PEX5L: variants seen among roughly 807,000 people sequenced by gnomAD.
The protein encoded by PEX5L is peroxisomal biogenesis factor 5 like, also known as PEX5-related protein.
A neutral mutation model predicts 84.0 loss-of-function variants in PEX5L; 30 were observed. The ratio of observed to expected loss-of-function variants is 0.36; its 90% CI spans 0.27 to 0.48. PEX5L has a LOEUF of 0.48. Ranked by LOEUF, PEX5L falls within the 20% of genes least tolerant of loss-of-function variation. The pLI, the probability that PEX5L is intolerant of heterozygous loss-of-function variation, is 0.99. For missense variants in PEX5L, 533 were observed against 754.6 expected, an observed-to-expected ratio of 0.71 and a Z score of 3.44; for synonymous variants, 270 against 283.1, an observed-to-expected ratio of 0.95 and a Z score of 0.46.
At chr3:179,928,079 A>C (rs558246214) in intron 2 of PEX5L, among the ~76,000 whole-genome samples, 1 of 152,298 alleles carries the variant, frequency 6.6e-6, no homozygotes, top group Admixed American at 6.5e-5. Context: ...ATTTATGTTA[A>C]GGTTGATCAG....
chr3:180,028,528 T>C (rs1192239015), intron 1 of PEX5L, among the ~76,000 whole-genome samples: 1 of 152,244 alleles, frequency 6.6e-6, no homozygotes, highest in Non-Finnish European at 1.5e-5. Context: ...TGGTTTATTG[T>C]AATATTTATT....
intron 2 of PEX5L, among the ~76,000 whole-genome samples, chr3:179,934,146 G>A (rs1773930982): frequency 6.6e-6 from 1 of 152,224 alleles, no homozygotes; most frequent in African/African-American, 2.4e-5. Flanking sequence ...GATCAAGCAG[G>A]TTGGCATACA....
chr3:179,878,001 A>C, intron 5 of PEX5L, among the ~76,000 whole-genome samples: 1 of 152,188 alleles, frequency 6.6e-6, no homozygotes, highest in South Asian at 2.1e-4. Flanking sequence ...CCATGGTTCC[A>C]ATATCCATTC....
At position 179,917,223 on chromosome 3, in the gene PEX5L, A is replaced by G. The variant is rs184894747; in HGVS notation, c.94-18977T>C. Among the ~76,000 whole-genome samples, 4 of 152,186 alleles carry G rather than the reference A, an allele frequency of 2.6e-5. No individual in the cohort carries two copies. In the East Asian group the frequency reaches 7.7e-4, roughly 29 times the overall value. ...CTCTTCCACCTCCACATCTTGTCCC[A>G]CTGGAAAGTCTTCTGGGGCAATAAC... On this transcript the variant is annotated intron_variant, in intron 2 of 14. Transcript: ENST00000467460.
At chr3:180,007,065 C>G (rs989165770) in intron 1 of PEX5L, among the ~76,000 whole-genome samples, 12 of 152,196 alleles carry the variant, frequency 7.9e-5, no homozygotes, top group Admixed American at 2.0e-4. Context: ...AAAGTCTCAT[C>G]TGAGACAAGG....
chr3:179,833,286 A>T (rs1733811961), intron 8 of PEX5L, among the ~76,000 whole-genome samples: 1 of 152,230 alleles, frequency 6.6e-6, no homozygotes, highest in African/African-American at 2.4e-5. Flanking sequence ...TTGAATATGT[A>T]TAGTTTTAAA....
intron 7 of PEX5L, among the ~76,000 whole-genome samples, chr3:179,863,237 A>G (rs1357716925): frequency 6.6e-6 from 1 of 152,226 alleles, no homozygotes; most frequent in African/African-American, 2.4e-5. Flanking sequence ...TGAAACTGCT[A>G]GAAGAAAACA....
chr3:179,977,921 A>G (rs1474492765), intron 1 of PEX5L, among the ~76,000 whole-genome samples: 4 of 152,186 alleles, frequency 2.6e-5, no homozygotes, highest in African/African-American at 7.2e-5. Context: ...GTGGCCACAC[A>G]GTACACTTTT....
chr3:179,975,663 A>T (rs1000561657), intron 1 of PEX5L, among the ~76,000 whole-genome samples: 1 of 152,214 alleles, frequency 6.6e-6, no homozygotes, highest in Non-Finnish European at 1.5e-5. Context: ...TACAAGAAGA[A>T]AAGACCTTCT....
chr3:179,821,320 A>G (rs2108969762), intron 8 of PEX5L, among the ~76,000 whole-genome samples: 1 of 152,262 alleles, frequency 6.6e-6, no homozygotes, highest in Non-Finnish European at 1.5e-5. Context: ...CAAATTGCAA[A>G]TCTCAGTGTC....
chr3:179,986,387 C>T (rs13059606), intron 1 of PEX5L, among the ~76,000 whole-genome samples: 1 of 146,870 alleles, frequency 6.8e-6, no homozygotes, highest in African/African-American at 2.5e-5. Flanking sequence ...AAAGTCCTAA[C>T]CATTTAGTAA....
At chr3:179,986,856 C>T (rs1056582730) in intron 1 of PEX5L, among the ~76,000 whole-genome samples, 3 of 152,062 alleles carry the variant, frequency 2.0e-5, no homozygotes, top group East Asian at 1.9e-4. Context: ...ATTGAAAGTT[C>T]GAATAACATA....
chr3:179,906,559 A>AT (rs1192281485), intron 2 of PEX5L, among the ~76,000 whole-genome samples: 1 of 152,160 alleles, frequency 6.6e-6, no homozygotes, highest in African/African-American at 2.4e-5. Context: ...ATGTTGTTTT[A>AT]TTTTTTATAT....
intron 7 of PEX5L, among the ~76,000 whole-genome samples, chr3:179,866,231 T>C (rs1748095115): frequency 6.6e-6 from 1 of 152,206 alleles, no homozygotes; most frequent in Non-Finnish European, 1.5e-5. Context: ...ATGACCGTTG[T>C]TAATAGCTTC....
At chr3:179,823,219 G>A (rs1729141344) in intron 8 of PEX5L, among the ~76,000 whole-genome samples, 1 of 152,154 alleles carries the variant, frequency 6.6e-6, no homozygotes, top group South Asian at 2.1e-4. Context: ...TCTTCTTCTA[G>A]ACATCTTCCT....
At chr3:179,833,994 G>A (rs557727786) in intron 8 of PEX5L, among the ~76,000 whole-genome samples, 2 of 151,994 alleles carry the variant, frequency 1.3e-5, no homozygotes, top group East Asian at 1.9e-4. Context: ...ACCGACATGC[G>A]TGGCTAAATT....
chr3:179,958,859 A>G (rs1172240890), intron 2 of PEX5L, among the ~76,000 whole-genome samples: 1 of 152,078 alleles, frequency 6.6e-6, no homozygotes, highest in Non-Finnish European at 1.5e-5. Flanking sequence ...ACATAAACCA[A>G]TGCTTCCTAG....
chr3:179,951,650 C>A (rs1305601287), intron 2 of PEX5L, among the ~76,000 whole-genome samples: 1 of 152,108 alleles, frequency 6.6e-6, no homozygotes, highest in Non-Finnish European at 1.5e-5. Flanking sequence ...CATTTCTGAC[C>A]ACTTAGGAGA....
At chr3:179,942,093 T>A (rs1776297337) in intron 2 of PEX5L, among the ~76,000 whole-genome samples, 1 of 150,848 alleles carries the variant, frequency 6.6e-6, no homozygotes, top group Admixed American at 6.6e-5. Context: ...AGGAAGAGGA[T>A]CTGGATTTAA....
Sources: gnomAD v4.1 joint callset for allele counts (sites outside exome capture counted in the v4.1 genomes callset) on GRCh38, gnomAD v4.1.1 for gene constraint, MANE v1.5 for transcripts, NCBI Gene and HGNC (gene_info 2026-07-23, HGNC 2026-07-21) for gene names.